EYS: variants seen among roughly 807,000 people sequenced by gnomAD.
EYS encodes protein eyes shut homolog.
Under a neutral mutation model 282.1 loss-of-function variants are expected in EYS, and 250 were observed. The observed-to-expected ratio is 0.89, with a 90% CI of 0.80 to 0.98. EYS has a LOEUF of 0.98. Ranked by LOEUF, EYS falls within the 50% of genes least tolerant of loss-of-function variation. The pLI, the probability that EYS is intolerant of heterozygous loss-of-function variation, is 0.00. For missense variants in EYS, 4,016 were observed against 3,709.0 expected (o/e 1.08, Z -2.15); for synonymous variants, 1,355 against 1,282.9 (o/e 1.06, Z -1.20).
chr6:64,926,306 C>G (rs766773556), intron 15 of EYS, among the ~76,000 whole-genome samples: 3 of 152,200 alleles, frequency 2.0e-5, no homozygotes, highest in Non-Finnish European at 4.4e-5. Context: ...ACCTGAGACT[C>G]TCCAGACCAG....
At chr6:65,321,298 G>A (rs1416057157) in intron 11 of EYS, among the ~76,000 whole-genome samples, 5 of 152,140 alleles carry the variant, frequency 3.3e-5, no homozygotes, top group Non-Finnish European at 5.9e-5. Context: ...ATTTGTTTCA[G>A]GAGTCTAAGA....
chr6:65,063,705 CCTTAAAACT>C (rs1361966099), intron 12 of EYS, among the ~76,000 whole-genome samples: 2 of 152,140 alleles, frequency 1.3e-5, no homozygotes, highest in Admixed American at 6.5e-5. Context: ...AGTAACTTTG[CCTTAAAACT>C]CTTGACCTTC....
intron 12 of EYS, among the ~76,000 whole-genome samples, chr6:65,186,456 C>T (rs1460758147): frequency 1.3e-5 from 2 of 151,664 alleles, no homozygotes; most frequent in African/African-American, 2.4e-5. Flanking sequence ...TTAAACTACT[C>T]CTGGGTTACT....
At chr6:64,555,706 T>C (rs1250597446) in intron 26 of EYS, among the ~76,000 whole-genome samples, 2 of 151,952 alleles carry the variant, frequency 1.3e-5, no homozygotes, top group Admixed American at 6.6e-5. Flanking sequence ...GTTATTATAA[T>C]AATGAAAATG....
chr6:63,769,422 A>G (rs1769877933), intron 40 of EYS, among the ~76,000 whole-genome samples: 1 of 152,060 alleles, frequency 6.6e-6, no homozygotes, highest in Non-Finnish European at 1.5e-5. Flanking sequence ...ACCTAAGACT[A>G]CTTAAATTAT....
chr6:63,911,311 A>C (rs1195833055), intron 35 of EYS, among the ~76,000 whole-genome samples: 2 of 152,224 alleles, frequency 1.3e-5, no homozygotes, highest in Non-Finnish European at 2.9e-5. Context: ...CCAGAGGTAT[A>C]TATGTCTGCT....
chr6:63,799,561 A>AT (rs1481919608), intron 37 of EYS, among the ~76,000 whole-genome samples: 1 of 152,100 alleles, frequency 6.6e-6, no homozygotes, highest in African/African-American at 2.4e-5. Context: ...GTAATTATTG[A>AT]TTTTTCACCA....
chr6:65,008,135 G>T (rs1170291933), intron 13 of EYS, among the ~76,000 whole-genome samples: 1 of 152,118 alleles, frequency 6.6e-6, no homozygotes, highest in Non-Finnish European at 1.5e-5. Flanking sequence ...TTGCTAACTT[G>T]CGTGCTAGAA....
At chr6:64,789,024 T>C (rs771322814) in intron 22 of EYS, among the ~76,000 whole-genome samples, 1 of 152,130 alleles carries the variant, frequency 6.6e-6, no homozygotes, top group African/African-American at 2.4e-5. Flanking sequence ...CAACAACTTA[T>C]TCAATTCAAA....
intron 2 of EYS, among the ~76,000 whole-genome samples, chr6:65,634,723 A>G (rs1474384344): frequency 1.3e-5 from 2 of 152,150 alleles, no homozygotes; most frequent in Non-Finnish European, 2.9e-5. Flanking sequence ...TCTCTCTGTC[A>G]TCTACATTCC....
intron 19 of EYS, among the ~76,000 whole-genome samples, chr6:64,881,624 TGA>T (rs2150060224): frequency 6.6e-6 from 1 of 151,936 alleles, no homozygotes; most frequent in African/African-American, 2.4e-5. Context: ...CAGACTTTAC[TGA>T]GAGTTTTCAA....
At chr6:64,176,539 C>CA (rs1452381791) in intron 31 of EYS, among the ~76,000 whole-genome samples, 4 of 150,564 alleles carry the variant, frequency 2.7e-5, no homozygotes, top group Non-Finnish European at 5.9e-5. Context: ...GTGTATGTAC[C>CA]AAATACGCGT....
chr6:64,854,491 G>C (rs1476049393), intron 19 of EYS, among the ~76,000 whole-genome samples: 2 of 148,394 alleles, frequency 1.3e-5, no homozygotes, highest in Non-Finnish European at 3.0e-5. Flanking sequence ...CTATCACAAG[G>C]ACAAAAAATA....
chr6:64,756,205 T>C (rs796460013), intron 22 of EYS, among the ~76,000 whole-genome samples: 14 of 152,336 alleles, frequency 9.2e-5, no homozygotes, highest in African/African-American at 3.4e-4. Flanking sequence ...TAAAGTCCAA[T>C]TCCATATAGT....
At chr6:64,956,842 A>C (rs559129501) in intron 14 of EYS, among the ~76,000 whole-genome samples, 27 of 152,334 alleles carry the variant, frequency 1.8e-4, no homozygotes, top group African/African-American at 6.5e-4. Context: ...AAGGTGCTTA[A>C]CATCACTGAT....
chr6:65,421,866 G>A (rs530415136), intron 5 of EYS, among the ~76,000 whole-genome samples: 13 of 151,942 alleles, frequency 8.6e-5, no homozygotes, highest in East Asian at 3.9e-4. Flanking sequence ...TAAGTTTTCC[G>A]TATTATATCG....
chr6:65,395,028 A>G (rs573074200), intron 7 of EYS, among the ~76,000 whole-genome samples: 3 of 152,132 alleles, frequency 2.0e-5, no homozygotes, highest in Non-Finnish European at 4.4e-5. Flanking sequence ...GACATGTTAT[A>G]TCTTTCTCTA....
intron 26 of EYS, among the ~76,000 whole-genome samples, chr6:64,446,870 T>C (rs946874349): frequency 2.0e-5 from 3 of 151,984 alleles, no homozygotes; most frequent in African/African-American, 7.2e-5. Context: ...TATATATCAT[T>C]AGATAAATGT....
intron 33 of EYS, among the ~76,000 whole-genome samples, chr6:64,020,011 C>T (rs1332789148): frequency 7.2e-5 from 11 of 151,940 alleles, no homozygotes; most frequent in Middle Eastern, 3.4e-3. Flanking sequence ...TTAACATTTT[C>T]GCAGAGTAAT....
Sources: gnomAD v4.1 joint callset for allele counts (sites outside exome capture counted in the v4.1 genomes callset) on GRCh38, gnomAD v4.1.1 for gene constraint, MANE v1.5 for transcripts, NCBI Gene and HGNC (gene_info 2026-07-23, HGNC 2026-07-21) for gene names.